The following UNC13C variants were observed in gnomAD, a reference collection of about 807,000 sequenced individuals.
UNC13C encodes unc-13 homolog C, also known as protein unc-13 homolog C.
In UNC13C, 174 loss-of-function variants were observed where a neutral mutation model predicts 245.4. That is an observed-to-expected ratio of 0.71 (90% CI 0.63 to 0.80). The LOEUF (loss-of-function observed/expected upper bound fraction) is 0.80, where lower values mean the gene tolerates loss of function less well. Among genes scored for constraint, UNC13C ranks in the 30% least tolerant of loss-of-function variants. The pLI, the probability that UNC13C is intolerant of heterozygous loss-of-function variation, is 0.00. For synonymous variants in UNC13C, 992 were observed against 895.1 expected, an observed-to-expected ratio of 1.11 and a Z score of -1.93; for missense variants, 2,829 against 2,602.9, an observed-to-expected ratio of 1.09 and a Z score of -1.89.
intron 4 of UNC13C, among the ~76,000 whole-genome samples, chr15:54,149,176 C>T (rs1414169093): frequency 6.6e-6 from 1 of 152,192 alleles, no homozygotes; most frequent in Non-Finnish European, 1.5e-5. Flanking sequence ...CAGGATTTTA[C>T]ATTTCCTGAG....
chr15:53,969,402 G>A, the UNC13C span, among the ~76,000 whole-genome samples: 1 of 152,098 alleles, frequency 6.6e-6, no homozygotes, highest in Non-Finnish European at 1.5e-5. Context: ...CCTTCAGATA[G>A]CAATTTAAAA....
intron 13 of UNC13C, among the ~76,000 whole-genome samples, chr15:54,320,238 A>G (rs2038114409): frequency 6.6e-6 from 1 of 151,994 alleles, no homozygotes; most frequent in Admixed American, 6.6e-5. Context: ...ACATTTCAGG[A>G]ACCAAAATAA....
chr15:54,592,549 G>C (rs1007446550), intron 30 of UNC13C, among the ~76,000 whole-genome samples: 3 of 152,148 alleles, frequency 2.0e-5, no homozygotes, highest in South Asian at 4.1e-4. Flanking sequence ...ATTCTATACT[G>C]TCCCTTTTTG....
At chr15:54,157,396 A>G (rs1567056196) in intron 4 of UNC13C, among the ~76,000 whole-genome samples, 3 of 152,222 alleles carry the variant, frequency 2.0e-5, no homozygotes. Flanking sequence ...TATAATCGCA[A>G]GATCATTTAG....
At chr15:53,848,382 C>A in the UNC13C span, among the ~76,000 whole-genome samples, 10 of 152,146 alleles carry the variant, frequency 6.6e-5, no homozygotes, top group Non-Finnish European at 4.4e-5. Flanking sequence ...TTGTGATTTC[C>A]TATTGAGATG....
the UNC13C span, among the ~76,000 whole-genome samples, chr15:53,968,651 C>G: frequency 6.6e-6 from 1 of 152,054 alleles, no homozygotes; most frequent in Admixed American, 6.6e-5. Context: ...GCGTTTGGAT[C>G]TCTCCATGAA....
chr15:53,967,933 A>G, the UNC13C span: 1 of 151,526 alleles, frequency 6.6e-6, no homozygotes, highest in African/African-American at 2.4e-5. Flanking sequence ...TTTTTTTTTC[A>G]GTTATCTGTA....
At chr15:53,854,514 G>A in the UNC13C span, among the ~76,000 whole-genome samples, 1 of 152,044 alleles carries the variant, frequency 6.6e-6, no homozygotes, top group Non-Finnish European at 1.5e-5. Context: ...TCTGCATATG[G>A]CTAAGCAGTT....
intron 19 of UNC13C, among the ~76,000 whole-genome samples, chr15:54,464,462 T>C (rs1250816696): frequency 1.3e-5 from 2 of 152,136 alleles, no homozygotes; most frequent in African/African-American, 4.8e-5. Flanking sequence ...AACATTATAA[T>C]TATTTATTAG....
intron 10 of UNC13C, among the ~76,000 whole-genome samples, chr15:54,273,939 AT>A (rs2036760375): frequency 6.6e-6 from 1 of 152,078 alleles, no homozygotes; most frequent in Non-Finnish European, 1.5e-5. Flanking sequence ...CTTTCTGAGC[AT>A]TTTTTTGGTT....
At position 54,015,898 on chromosome 15, in the gene UNC13C, T is replaced by G. The variant is rs1156790877; in HGVS notation, c.2983+12T>G. 1.1e-5 allele frequency: 17 copies of G among 1,548,444 alleles called. No individual in the cohort carries two copies. The highest frequency in any genetic ancestry group is 2.1e-5 in the Admixed American group (1 of 48,318). ...GATCTTGGCTGGAGGTATTCATGTT[T>G]AAATGCTACATTGTGAGCTAATTGT... On this transcript the variant is annotated intron_variant, in intron 2 of 32. Transcript: ENST00000260323.
At chr15:54,265,254 TA>T (rs2036523712) in intron 9 of UNC13C, 100 bp from the exon 10 acceptor site, 2 of 1,008,084 alleles carry the variant, frequency 2.0e-6, no homozygotes, top group Non-Finnish European at 2.7e-6. Context: ...GATGCATCTA[TA>T]AGCCCAAAGA....
intron 30 of UNC13C, among the ~76,000 whole-genome samples, chr15:54,617,703 G>C: frequency 6.6e-6 from 1 of 152,072 alleles, no homozygotes; most frequent in Non-Finnish European, 1.5e-5. Flanking sequence ...GAATGGATGA[G>C]AGAGTAAAAA....
At chr15:53,918,749 C>A in the UNC13C span, among the ~76,000 whole-genome samples, 2 of 152,212 alleles carry the variant, frequency 1.3e-5, no homozygotes, top group Non-Finnish European at 2.9e-5. Context: ...GATTCTGAAG[C>A]CGGATGCTTC....
chr15:54,446,747 T>C (rs1890837452), intron 19 of UNC13C, among the ~76,000 whole-genome samples: 1 of 152,182 alleles, frequency 6.6e-6, no homozygotes, highest in Non-Finnish European at 1.5e-5. Context: ...CAGGGACAAG[T>C]TGACTTCCTC....
At chr15:53,853,178 C>T in the UNC13C span, among the ~76,000 whole-genome samples, 4 of 152,084 alleles carry the variant, frequency 2.6e-5, no homozygotes, top group African/African-American at 9.7e-5. Context: ...TCTCCCCTCA[C>T]CCCCAACTGC....
At chr15:54,321,883 T>C in intron 13 of UNC13C, 56 bp from the exon 14 acceptor site, 1 of 1,484,132 alleles carries the variant, frequency 6.7e-7, no homozygotes, top group Non-Finnish European at 9.1e-7. Context: ...AGCTCTGTTG[T>C]TGTATGAATT....
the UNC13C span, among the ~76,000 whole-genome samples, chr15:53,867,162 A>C: frequency 9.2e-5 from 14 of 152,288 alleles, no homozygotes; most frequent in African/African-American, 3.1e-4. Flanking sequence ...ATTTCCAGTA[A>C]ATTTAGGAAA....
At chr15:54,196,482 A>C (rs2034358232) in intron 4 of UNC13C, among the ~76,000 whole-genome samples, 1 of 152,190 alleles carries the variant, frequency 6.6e-6, no homozygotes, top group African/African-American at 2.4e-5. Flanking sequence ...AAGTTATTTT[A>C]TGAAACTGGT....
Sources: gnomAD v4.1 joint callset for allele counts (sites outside exome capture counted in the v4.1 genomes callset) on GRCh38, gnomAD v4.1.1 for gene constraint, MANE v1.5 for transcripts, NCBI Gene and HGNC (gene_info 2026-07-23, HGNC 2026-07-21) for gene names.